Variants in LRRC37A2 observed in about 807,000 individuals in gnomAD.
LRRC37A2 encodes the protein leucine rich repeat containing 37 member A2.
LRRC37A2 carries 9 observed loss-of-function variants against 68.8 expected under a neutral mutation model. That is an observed-to-expected ratio of 0.13 (90% confidence interval 0.08 to 0.23). The LOEUF (loss-of-function observed/expected upper bound fraction) is 0.23. LRRC37A2 is among the 10% of genes least tolerant of loss of function. The pLI is 1.00. For missense variants in LRRC37A2, 168 were observed against 950.4 expected, an observed-to-expected ratio of 0.18 and a Z score of 10.82; for synonymous variants, 63 against 367.6, an observed-to-expected ratio of 0.17 and a Z score of 9.48.
chr17:46,898,628 C>G, the LRRC37A2 span, among the ~76,000 whole-genome samples: 15,310 of 152,228 alleles, frequency 0.1, 2,138 homozygotes, highest in African/African-American at 0.32. Context: ...GGATGAGGAA[C>G]GACACCTGAA....
chr17:47,030,088 A>AATAATAATAATAATAATAATC, the LRRC37A2 span, among the ~76,000 whole-genome samples: 1 of 107,122 alleles, frequency 9.3e-6, no homozygotes, highest in Non-Finnish European at 1.9e-5. Flanking sequence ...TAATAATAAT[A>AATAATAATAATAATAATAATC]ATCATCATCA....
At chr17:46,728,778 A>G in the LRRC37A2 span, 1 of 1,106,010 alleles carries the variant, frequency 9.0e-7, no homozygotes. Context: ...TGATGCAAAA[A>G]AAAAAAACAA....
At chr17:47,012,067 C>T in the LRRC37A2 span, among the ~76,000 whole-genome samples, 3 of 152,070 alleles carry the variant, frequency 2.0e-5, no homozygotes, top group African/African-American at 4.8e-5. Context: ...ATTTAGCATC[C>T]GATGATGATT....
At chr17:46,741,897 C>T in the LRRC37A2 span, among the ~76,000 whole-genome samples, 2 of 152,200 alleles carry the variant, frequency 1.3e-5, no homozygotes, top group Non-Finnish European at 2.9e-5. Flanking sequence ...TCCTTAGTAG[C>T]TGGGATTACA....
At chr17:47,039,014 G>A in the LRRC37A2 span, among the ~76,000 whole-genome samples, 1 of 149,246 alleles carries the variant, frequency 6.7e-6, no homozygotes, top group Non-Finnish European at 1.5e-5. Flanking sequence ...ATTTCTTTGT[G>A]CAGATTCACA....
At chr17:46,991,042 T>C in the LRRC37A2 span, among the ~76,000 whole-genome samples, 2 of 152,192 alleles carry the variant, frequency 1.3e-5, no homozygotes, top group Admixed American at 1.3e-4. Flanking sequence ...CCCATTGCAA[T>C]GGTTTTCAAA....
At chr17:46,872,804 C>A in the LRRC37A2 span, 5 of 1,312,026 alleles carry the variant, frequency 3.8e-6, no homozygotes, top group Non-Finnish European at 4.3e-6. Flanking sequence ...ACGGGGAGGG[C>A]TGGGGGAAGA....
chr17:46,977,214 G>T, the LRRC37A2 span, among the ~76,000 whole-genome samples: 1 of 152,094 alleles, frequency 6.6e-6, no homozygotes, highest in Non-Finnish European at 1.5e-5. Context: ...CATTCCCTTC[G>T]CTTCTCTTAG....
At chr17:46,751,623 T>C in the LRRC37A2 span, 1 of 1,571,396 alleles carries the variant, frequency 6.4e-7, no homozygotes, top group African/African-American at 1.3e-5. Flanking sequence ...ACAGGTAAGG[T>C]ACTTCGTTCT....
At chr17:46,789,751 G>A in the LRRC37A2 span, among the ~76,000 whole-genome samples, 1 of 152,208 alleles carries the variant, frequency 6.6e-6, no homozygotes, top group African/African-American at 2.4e-5. Context: ...CACTGCCCAG[G>A]GCTCCAGCTT....
the LRRC37A2 span, among the ~76,000 whole-genome samples, chr17:46,405,268 C>A: frequency 1.3e-5 from 1 of 78,342 alleles, no homozygotes; most frequent in Admixed American, 1.3e-4. Flanking sequence ...ATTTTTATAC[C>A]CCAAAGGATT....
the LRRC37A2 span, among the ~76,000 whole-genome samples, chr17:46,497,392 A>G: frequency 6.8e-6 from 1 of 147,002 alleles, no homozygotes; most frequent in African/African-American, 2.6e-5. Context: ...TTTTCTGCCT[A>G]TTTTTGGATT....
At chr17:47,005,956 TTTTAA>T in the LRRC37A2 span, among the ~76,000 whole-genome samples, 1 of 152,242 alleles carries the variant, frequency 6.6e-6, no homozygotes, top group Non-Finnish European at 1.5e-5. Context: ...TTAAAAATCT[TTTTAA>T]TTTATTTTGT....
At chr17:46,763,837 AAAAAAAAAACAAAAAAAC>A in the LRRC37A2 span, 3 of 143,582 alleles carry the variant, frequency 2.1e-5, no homozygotes, top group Non-Finnish European at 4.4e-5. Context: ...CCACCAAAAA[AAAAAAAAAACAAAAAAAC>A]AAAAAAAAAA....
chr17:46,907,433 C>T, the LRRC37A2 span, among the ~76,000 whole-genome samples: 1 of 151,850 alleles, frequency 6.6e-6, no homozygotes, highest in African/African-American at 2.4e-5. Context: ...GTGTTGGGCT[C>T]GGTGGGAAGG....
the LRRC37A2 span, among the ~76,000 whole-genome samples, chr17:46,714,254 GATT>G: frequency 6.6e-6 from 1 of 152,106 alleles, no homozygotes; most frequent in Non-Finnish European, 1.5e-5. Context: ...GTATCAATTT[GATT>G]AAAAGAGTTA....
At chr17:46,789,301 A>G in the LRRC37A2 span, among the ~76,000 whole-genome samples, 1 of 152,174 alleles carries the variant, frequency 6.6e-6, no homozygotes, top group African/African-American at 2.4e-5. Context: ...CTCTTCAGAA[A>G]ACCAAGGACA....
At chr17:46,416,307 A>G in the LRRC37A2 span, among the ~76,000 whole-genome samples, 3 of 56,890 alleles carry the variant, frequency 5.3e-5, no homozygotes, top group African/African-American at 1.5e-4. Flanking sequence ...TTTTTTTGAG[A>G]CAGAGTTTCA....
At chr17:46,458,854 G>A in the LRRC37A2 span, among the ~76,000 whole-genome samples, 1 of 106,094 alleles carries the variant, frequency 9.4e-6, no homozygotes, top group Non-Finnish European at 2.1e-5. Context: ...CATGGGAATT[G>A]TAAACCATGG....
Sources: allele counts gnomAD v4.1 joint callset (sites outside exome capture counted in the v4.1 genomes callset), GRCh38; gene constraint gnomAD v4.1.1; transcripts MANE v1.5; gene names NCBI Gene and HGNC (gene_info 2026-07-23, HGNC 2026-07-21).